CBFA2T2: variants seen among roughly 807,000 people sequenced by gnomAD.
The protein encoded by CBFA2T2 is CBFA2/RUNX1 partner transcriptional co-repressor 2, also known as protein CBFA2T2.
CBFA2T2 carries 11 observed loss-of-function variants against 62.2 expected under a neutral mutation model. The ratio of observed to expected loss-of-function variants is 0.18; its 90% confidence interval spans 0.11 to 0.29. The LOEUF (loss-of-function observed/expected upper bound fraction) is 0.29. Ranked by LOEUF, CBFA2T2 falls within the 10% of genes least tolerant of loss-of-function variation. CBFA2T2 has a pLI of 1.00. For missense variants in CBFA2T2, 592 were observed against 774.1 expected (o/e 0.76, Z 2.79); for synonymous variants, 295 against 287.5 (o/e 1.03, Z -0.27).
chr20:33,603,930 T>C (rs1289231778), intron 1 of CBFA2T2, among the ~76,000 whole-genome samples: 1 of 152,198 alleles, frequency 6.6e-6, no homozygotes, highest in Admixed American at 6.5e-5. Context: ...AGGGTTAAAA[T>C]GCCTACTTTG....
chr20:33,525,240 CA>C (rs1305354689), intron 1 of CBFA2T2, among the ~76,000 whole-genome samples: 1 of 150,642 alleles, frequency 6.6e-6, no homozygotes, highest in Non-Finnish European at 1.5e-5. Context: ...GGCTGGAGTG[CA>C]ATGGCACAAT....
chr20:33,497,705 A>G (rs2011219218), intron 1 of CBFA2T2, among the ~76,000 whole-genome samples: 1 of 151,886 alleles, frequency 6.6e-6, no homozygotes, highest in African/African-American at 2.4e-5. Context: ...ACACGCCACC[A>G]CGCCCAGCTA....
rs146994079 is a variant in CBFA2T2, at chr20:33,511,352, A to G, written c.34+21051A>G. Among the ~76,000 whole-genome samples, 1,422 of 152,274 alleles carry G rather than the reference A, an allele frequency of 9.3e-3. 21 individuals are homozygous for G. The highest frequency in any genetic ancestry group is 0.033 in the African/African-American group (1,358 of 41,550). On this transcript the variant is annotated intron_variant, in intron 1 of 10. Transcript: ENST00000342704. ...GGGATCCGGTTTCAGTTTTCTACAT[A>G]TGGCTAGCCGGTTTTCCCAGCACCA...
chr20:33,606,395 C>G (rs1377065097), intron 1 of CBFA2T2, among the ~76,000 whole-genome samples: 1 of 152,188 alleles, frequency 6.6e-6, no homozygotes, highest in East Asian at 1.9e-4. Context: ...CAAAGTACCA[C>G]TAACTGAGTG....
At chr20:33,621,292 T>C in intron 4 of CBFA2T2, among the ~76,000 whole-genome samples, 2 of 58,294 alleles carry the variant, frequency 3.4e-5, no homozygotes, top group Middle Eastern at 8.1e-3. Context: ...ACTGCCTTTT[T>C]TTTTTTTTTT....
At chr20:33,573,775 C>T (rs1382229546) in intron 1 of CBFA2T2, among the ~76,000 whole-genome samples, 2 of 151,378 alleles carry the variant, frequency 1.3e-5, no homozygotes, top group Admixed American at 6.6e-5. Context: ...CCACCACACC[C>T]GGCCCTATTA....
At chr20:33,625,296 G>A (rs916218298) in intron 6 of CBFA2T2, among the ~76,000 whole-genome samples, 3 of 152,036 alleles carry the variant, frequency 2.0e-5, no homozygotes, top group South Asian at 2.1e-4. Flanking sequence ...AGCCAGTCTG[G>A]GCAACATAGT....
chr20:33,578,427 AG>A (rs1377602320), intron 1 of CBFA2T2, among the ~76,000 whole-genome samples: 1 of 152,218 alleles, frequency 6.6e-6, no homozygotes, highest in African/African-American at 2.4e-5. Flanking sequence ...ACCATAATGA[AG>A]GGAATTTTCT....
At chr20:33,548,146 GATT>G (rs1568813088) in intron 1 of CBFA2T2, among the ~76,000 whole-genome samples, 1 of 151,972 alleles carries the variant, frequency 6.6e-6, no homozygotes, top group African/African-American at 2.4e-5. Flanking sequence ...AGGATCTCTA[GATT>G]ATTCTGCTTG....
chr20:33,558,193 G>A (rs1325485614), intron 1 of CBFA2T2, among the ~76,000 whole-genome samples: 1 of 151,350 alleles, frequency 6.6e-6, no homozygotes, highest in African/African-American at 2.4e-5. Flanking sequence ...GTGCAGTGGT[G>A]CGATCATGGC....
intron 1 of CBFA2T2, among the ~76,000 whole-genome samples, chr20:33,494,623 G>A (rs774947513): frequency 6.8e-6 from 1 of 147,704 alleles, no homozygotes; most frequent in Non-Finnish European, 1.5e-5. Context: ...GTTTTGAGAT[G>A]GAGTTTTGCT....
intron 8 of CBFA2T2, among the ~76,000 whole-genome samples, chr20:33,636,201 G>T (rs1308588681): frequency 6.8e-6 from 1 of 146,370 alleles, no homozygotes; most frequent in Non-Finnish European, 1.5e-5. Context: ...AGAGGTTGCA[G>T]TGAGCCAAGA....
In CBFA2T2 at chr20:33,548,872, C is replaced by T. The variant is rs2012652885; in HGVS notation, c.35-58084C>T. 2.0e-5 allele frequency among the ~76,000 whole-genome samples: 3 copies of T among 152,278 alleles called. No homozygotes were observed. In the South Asian group the frequency reaches 6.2e-4, roughly 32 times the overall value. On this transcript the variant is annotated intron_variant, in intron 1 of 10. Transcript: ENST00000342704. ...TCAGGAGGCTGAAGCAGGAAGATCA[C>T]TTGAGCCCATAAGTTTGAGGTTGCA...
intron 1 of CBFA2T2, among the ~76,000 whole-genome samples, chr20:33,551,557 TTC>T (rs900142366): frequency 6.6e-6 from 1 of 151,886 alleles, no homozygotes; most frequent in African/African-American, 2.4e-5. Flanking sequence ...TGTTGATTGA[TTC>T]TCTCTCTGTC....
chr20:33,649,818 C>T lies in CBFA2T2; in HGVS notation c.*5172C>T, dbSNP rs2017188041. 1 of 152,522 alleles carries T rather than the reference C, an allele frequency of 6.6e-6. No individual in the cohort carries two copies. Among genetic ancestry groups the T allele is most frequent in the African/African-American group, 2.4e-5 (1 of 41,400 alleles). The allele number at this position is 152,522 out of a possible 1,614,324, so 9.4% of individuals were successfully genotyped here. A position where few individuals can be genotyped will look rare whatever the true frequency, so the allele number is the denominator to read the frequency against. ...ATAAATAGAAAACGAAGCCTCCACGCGTGGTTTTTAAAGGGGGATGATGAA... is the reference window on the plus strand; with the variant it reads ...ATAAATAGAAAACGAAGCCTCCACGTGTGGTTTTTAAAGGGGGATGATGAA... On this transcript the variant is annotated 3_prime_UTR_variant, in exon 11 of 11. Transcript: ENST00000342704.
At chr20:33,491,307 T>G (rs578003359) in intron 1 of CBFA2T2, among the ~76,000 whole-genome samples, 1 of 152,154 alleles carries the variant, frequency 6.6e-6, no homozygotes, top group Non-Finnish European at 1.5e-5. Context: ...TAGACCGAAC[T>G]GGGGTTTTGA....
chr20:33,645,363 AT>A lies in CBFA2T2; in HGVS notation c.*721del, dbSNP rs1336264253. ...TGGGACCTGTTTTTTTTCTCATTTG[AT>A]TTTGCTTGTGCAGAAAATAGTTTCC... On this transcript the variant is annotated 3_prime_UTR_variant, in exon 11 of 11. Coordinates refer to ENST00000342704, the MANE Select transcript of CBFA2T2 (RefSeq NM_001032999.3). 6.6e-6 allele frequency: 1 copy of A among 151,992 alleles called. No individual in the cohort carries two copies. The highest frequency in any genetic ancestry group is 1.5e-5 in the Non-Finnish European group (1 of 67,994). 9.4% of individuals were successfully genotyped at this position (151,992 alleles called of 1,614,324 possible).
At chr20:33,493,740 C>T (rs1014749001) in intron 1 of CBFA2T2, among the ~76,000 whole-genome samples, 5 of 151,126 alleles carry the variant, frequency 3.3e-5, no homozygotes, top group Non-Finnish European at 5.9e-5. Flanking sequence ...TGGGCTGCAG[C>T]GATCCTCCTG....
chr20:33,518,194 T>C (rs2011638583), intron 1 of CBFA2T2, among the ~76,000 whole-genome samples: 1 of 151,768 alleles, frequency 6.6e-6, no homozygotes, highest in Non-Finnish European at 1.5e-5. Context: ...ATGATCCGCC[T>C]GCCTTGCCTC....
Sources: gnomAD v4.1 joint callset for allele counts (sites outside exome capture counted in the v4.1 genomes callset) on GRCh38, gnomAD v4.1.1 for gene constraint, MANE v1.5 for transcripts, NCBI Gene and HGNC (gene_info 2026-07-23, HGNC 2026-07-21) for gene names.